The following MALRD1 variants were observed in gnomAD, a reference collection of about 807,000 sequenced individuals.
MALRD1 encodes MAM and LDL-receptor class A domain-containing protein 1.
A neutral mutation model predicts 242.1 loss-of-function variants in MALRD1; 247 were observed. The ratio of observed to expected loss-of-function variants is 1.02; its 90% CI spans 0.92 to 1.13. The LOEUF (loss-of-function observed/expected upper bound fraction) is 1.13. Ranked by LOEUF, MALRD1 falls within the 50% of genes most tolerant of loss-of-function variation. The pLI is 0.00. For synonymous variants in MALRD1, 995 were observed against 866.6 expected, an observed-to-expected ratio of 1.15 and a Z score of -2.60; for missense variants, 2,989 against 2,533.1, an observed-to-expected ratio of 1.18 and a Z score of -3.86.
At chr10:19,656,259 T>G (rs1345663855) in intron 36 of MALRD1, among the ~76,000 whole-genome samples, 1 of 152,162 alleles carries the variant, frequency 6.6e-6, no homozygotes, top group African/African-American at 2.4e-5. Flanking sequence ...ATTCTTGGAT[T>G]TATTTATGCT....
intron 8 of MALRD1, among the ~76,000 whole-genome samples, chr10:19,130,482 C>T (rs1833058760): frequency 6.6e-6 from 1 of 152,012 alleles, no homozygotes; most frequent in Admixed American, 6.6e-5. Context: ...TATGGTAATG[C>T]TTTTCAGATG....
At chr10:19,551,769 A>G (rs1311748849) in intron 32 of MALRD1, among the ~76,000 whole-genome samples, 7 of 152,122 alleles carry the variant, frequency 4.6e-5, no homozygotes, top group African/African-American at 1.4e-4. Flanking sequence ...TATTCCTTCA[A>G]TATCTAGTTT....
chr10:19,596,970 A>C (rs1838130381), intron 34 of MALRD1, among the ~76,000 whole-genome samples: 1 of 152,094 alleles, frequency 6.6e-6, no homozygotes, highest in Non-Finnish European at 1.5e-5. Flanking sequence ...AGAAATCTGG[A>C]ACAATTGGAA....
intron 32 of MALRD1, among the ~76,000 whole-genome samples, chr10:19,537,411 A>G (rs1834736486): frequency 6.8e-6 from 1 of 148,086 alleles, no homozygotes; most frequent in Non-Finnish European, 1.5e-5. Context: ...GCGAAGTCCA[A>G]GATCAAGGGG....
chr10:19,503,308 G>A (rs974411279), intron 31 of MALRD1, among the ~76,000 whole-genome samples: 4 of 152,192 alleles, frequency 2.6e-5, no homozygotes, highest in Non-Finnish European at 4.4e-5. Context: ...AATTCAGTGA[G>A]CCTATGGTCT....
chr10:19,203,376 C>G (rs1278773632), intron 14 of MALRD1, among the ~76,000 whole-genome samples: 1 of 152,068 alleles, frequency 6.6e-6, no homozygotes, highest in Non-Finnish European at 1.5e-5. Context: ...AACAATGATG[C>G]CTCCCAGCTG....
At chr10:19,307,522 T>A (rs1013198466) in intron 21 of MALRD1, among the ~76,000 whole-genome samples, 8 of 151,480 alleles carry the variant, frequency 5.3e-5, no homozygotes, top group African/African-American at 1.9e-4. Context: ...GATATATAAC[T>A]CGGGGTGTGG....
intron 26 of MALRD1, among the ~76,000 whole-genome samples, chr10:19,386,228 C>G (rs1032366061): frequency 6.6e-6 from 1 of 152,072 alleles, no homozygotes. Context: ...TATCACCAGC[C>G]GTTTCCAGCT....
chr10:19,444,597 G>A (rs1834857699), intron 28 of MALRD1, among the ~76,000 whole-genome samples: 1 of 152,080 alleles, frequency 6.6e-6, no homozygotes, highest in African/African-American at 2.4e-5. Flanking sequence ...GAAATTCTGG[G>A]TTGAAAATTA....
At chr10:19,317,212 T>C (rs945278086) in intron 21 of MALRD1, among the ~76,000 whole-genome samples, 2 of 151,878 alleles carry the variant, frequency 1.3e-5, no homozygotes, top group African/African-American at 4.8e-5. Flanking sequence ...AAGGCTATGA[T>C]CAAGGCACTG....
chr10:19,615,957 T>A, intron 36 of MALRD1, 34 bp downstream of exon 36: 1 of 1,466,246 alleles, frequency 6.8e-7, no homozygotes, highest in East Asian at 2.5e-5. Flanking sequence ...TTTTTTAAGA[T>A]TTTTTGGAGT....
intron 5 of MALRD1, among the ~76,000 whole-genome samples, chr10:19,104,780 A>T (rs1836405330): frequency 6.6e-6 from 1 of 152,100 alleles, no homozygotes; most frequent in Admixed American, 6.5e-5. Context: ...TGGTACAAAG[A>T]TATAGTTGTT....
chr10:19,480,883 A>G (rs1836966339), intron 29 of MALRD1, among the ~76,000 whole-genome samples: 1 of 152,010 alleles, frequency 6.6e-6, no homozygotes, highest in African/African-American at 2.4e-5. Flanking sequence ...CAGTGATTTG[A>G]AGTAGGCATA....
intron 26 of MALRD1, among the ~76,000 whole-genome samples, chr10:19,364,536 T>C (rs1030763250): frequency 6.6e-6 from 1 of 152,162 alleles, no homozygotes; most frequent in Non-Finnish European, 1.5e-5. Context: ...TTATTGGCAT[T>C]ATCTTGGTTA....
At chr10:19,353,887 TG>T (rs1351036869) in intron 26 of MALRD1, among the ~76,000 whole-genome samples, 1 of 152,094 alleles carries the variant, frequency 6.6e-6, no homozygotes, top group Non-Finnish European at 1.5e-5. Flanking sequence ...TTTGTTTGTT[TG>T]TTTGTTTTTT....
chr10:19,205,198 C>T lies in MALRD1; in HGVS notation c.2511C>T (p.Cys837=). Residue 837 remains cysteine (C), a synonymous_variant, in exon 17 of 40, where the codon TGC becomes TGT. Coordinates refer to ENST00000454679, the MANE Select transcript of MALRD1 (RefSeq NM_001142308.3). ...TCTGGTGTCGCCACACCAGGGCTTG[C>T]ATAGAAAAGCTTCGGTTATGTGATC... The part of the protein sequence containing the change: ...DHFWCRHTRA[C]IEKLRLCDLV... 1.3e-6 allele frequency: 2 copies of T among 1,551,010 alleles called. No individual in the cohort carries two copies. The highest frequency in any genetic ancestry group is 1.7e-6 in the Non-Finnish European group (2 of 1,147,066).
intron 28 of MALRD1, among the ~76,000 whole-genome samples, chr10:19,412,535 A>G (rs1833318880): frequency 6.6e-6 from 1 of 152,210 alleles, no homozygotes. Flanking sequence ...CCAAATGTAT[A>G]CTGTTGCATA....
intron 18 of MALRD1, among the ~76,000 whole-genome samples, chr10:19,240,445 T>C (rs1431291099): frequency 6.6e-6 from 1 of 151,952 alleles, no homozygotes; most frequent in African/African-American, 2.4e-5. Context: ...GAGAGAGAGA[T>C]CATATATATC....
chr10:19,695,226 CTATA>C (rs1229423968), intron 38 of MALRD1, among the ~76,000 whole-genome samples: 2 of 151,972 alleles, frequency 1.3e-5, no homozygotes, highest in African/African-American at 4.8e-5. Flanking sequence ...ATAATAAAAA[CTATA>C]TAAATATATA....
Sources: allele counts gnomAD v4.1 joint callset (sites outside exome capture counted in the v4.1 genomes callset), GRCh38; gene constraint gnomAD v4.1.1; transcripts MANE v1.5; gene names NCBI Gene and HGNC (gene_info 2026-07-23, HGNC 2026-07-21).